PPM1B: variants seen among roughly 807,000 people sequenced by gnomAD.
PPM1B encodes protein phosphatase 1B.
A neutral mutation model predicts 43.0 loss-of-function variants in PPM1B; 22 were observed. The observed-to-expected ratio is 0.51, with a 90% CI of 0.37 to 0.73. The LOEUF (loss-of-function observed/expected upper bound fraction) is 0.73, where lower values mean the gene tolerates loss of function less well. PPM1B is among the 30% of genes least tolerant of loss of function. The pLI is 0.00. For missense variants in PPM1B, 632 were observed against 584.2 expected (o/e 1.08, Z -0.84); for synonymous variants, 217 against 197.9 (o/e 1.10, Z -0.81).
intron 2 of PPM1B, among the ~76,000 whole-genome samples, chr2:44,207,676 A>G (rs1044271894): frequency 1.3e-5 from 2 of 151,668 alleles, no homozygotes; most frequent in African/African-American, 4.8e-5. Context: ...CCCAGGCTTA[A>G]GCGATCCTTC....
intron 1 of PPM1B, among the ~76,000 whole-genome samples, chr2:44,174,196 T>C (rs1254464079): frequency 6.6e-6 from 1 of 152,246 alleles, no homozygotes; most frequent in African/African-American, 2.4e-5. Context: ...ATTTTTTAGC[T>C]TTAAATTGAT....
intron 1 of PPM1B, among the ~76,000 whole-genome samples, chr2:44,199,291 G>A (rs1668810784): frequency 7.4e-6 from 1 of 135,870 alleles, no homozygotes; most frequent in Admixed American, 7.8e-5. Flanking sequence ...GGTGGCACGT[G>A]CCTGTAGATC....
downstream of PPM1B, chr2:44,233,858 T>C (rs1456888037): frequency 5.1e-6 from 5 of 985,458 alleles, no homozygotes; most frequent in African/African-American, 1.7e-5. Context: ...TACATGATGA[T>C]GTGAAAAGCT....
At chr2:44,218,399 G>T in intron 4 of PPM1B, 81 bp from the exon 5 acceptor site, 1 of 1,071,042 alleles carries the variant, frequency 9.3e-7, no homozygotes, top group Admixed American at 2.4e-5. Context: ...TTTTAGTGTG[G>T]TCAGGATGAA....
chr2:44,180,235 C>T, intron 1 of PPM1B, among the ~76,000 whole-genome samples: 1 of 152,088 alleles, frequency 6.6e-6, no homozygotes, highest in East Asian at 1.9e-4. Flanking sequence ...ATCTTTCTTT[C>T]CTCACTTAGG....
chr2:44,225,014 A>C (rs1357923485), intron 5 of PPM1B, among the ~76,000 whole-genome samples: 1 of 152,196 alleles, frequency 6.6e-6, no homozygotes, highest in Non-Finnish European at 1.5e-5. Flanking sequence ...GATGTTAATT[A>C]TACCTGTGCA....
At chr2:44,205,265 T>G (rs1227533290) in intron 2 of PPM1B, among the ~76,000 whole-genome samples, 1 of 152,020 alleles carries the variant, frequency 6.6e-6, no homozygotes, top group Non-Finnish European at 1.5e-5. Flanking sequence ...CTGAGACTAG[T>G]TTTCTGACTC....
chr2:44,194,636 T>C (rs1668570810), intron 1 of PPM1B, among the ~76,000 whole-genome samples: 2 of 151,936 alleles, frequency 1.3e-5, no homozygotes, highest in South Asian at 4.1e-4. Flanking sequence ...GGCAGGAGAA[T>C]GGTGTGAACC....
At chr2:44,177,809 G>T (rs1667657207) in intron 1 of PPM1B, among the ~76,000 whole-genome samples, 2 of 146,610 alleles carry the variant, frequency 1.4e-5, no homozygotes, top group African/African-American at 2.5e-5. Context: ...TTTACAATTT[G>T]TTCTTGTCAC....
At chr2:44,170,586 AGGAGAT>A (rs1321781200) in intron 1 of PPM1B, among the ~76,000 whole-genome samples, 1 of 152,228 alleles carries the variant, frequency 6.6e-6, no homozygotes, top group Non-Finnish European at 1.5e-5. Context: ...AGTATGTTCT[AGGAGAT>A]GGAGAAACAT....
At chr2:44,189,360 A>C (rs1427878046) in intron 1 of PPM1B, among the ~76,000 whole-genome samples, 1 of 152,214 alleles carries the variant, frequency 6.6e-6, no homozygotes, top group African/African-American at 2.4e-5. Flanking sequence ...ACTTGCAGGC[A>C]TGATCCTATT....
At chr2:44,237,171 T>C (rs1160654062), downstream of PPM1B, among the ~76,000 whole-genome samples, 1 of 152,256 alleles carries the variant, frequency 6.6e-6, no homozygotes, top group African/African-American at 2.4e-5. Context: ...TGCACTGTCG[T>C]TTTTATGCTA....
At chr2:44,216,902 C>A (rs1300554061) in intron 3 of PPM1B, among the ~76,000 whole-genome samples, 108 of 140,036 alleles carry the variant, frequency 7.7e-4, no homozygotes, top group Non-Finnish European at 6.6e-4. Context: ...TCCAGTGTCT[C>A]AAAAAAAAAA....
intron 2 of PPM1B, among the ~76,000 whole-genome samples, chr2:44,202,526 G>A (rs562943869): frequency 6.6e-6 from 1 of 152,118 alleles, no homozygotes; most frequent in East Asian, 1.9e-4. Flanking sequence ...TAAAAATATG[G>A]GTTGTATATT....
At chr2:44,237,971 G>T (rs746948381), downstream of PPM1B, among the ~76,000 whole-genome samples, 9 of 152,108 alleles carry the variant, frequency 5.9e-5, no homozygotes, top group Non-Finnish European at 1.2e-4. Context: ...CACGATCTCG[G>T]CTCACTGCAA....
chr2:44,200,405 A>G (rs149219285), intron 1 of PPM1B, among the ~76,000 whole-genome samples: 649 of 152,340 alleles, frequency 4.3e-3, no homozygotes, highest in African/African-American at 0.012. Flanking sequence ...AGGGTGATGC[A>G]TAGTAGTACT....
At chr2:44,173,524 C>T (rs1477068382) in intron 1 of PPM1B, among the ~76,000 whole-genome samples, 1 of 152,166 alleles carries the variant, frequency 6.6e-6, no homozygotes, top group East Asian at 1.9e-4. Flanking sequence ...CACTTTACTT[C>T]TGAATTAATG....
At chr2:44,177,661 G>A (rs1667647107) in intron 1 of PPM1B, among the ~76,000 whole-genome samples, 1 of 151,620 alleles carries the variant, frequency 6.6e-6, no homozygotes, top group African/African-American at 2.4e-5. Context: ...CTCAAGATCT[G>A]CCCGCCTCGG....
intron 1 of PPM1B, among the ~76,000 whole-genome samples, chr2:44,189,867 C>G (rs568635110): frequency 6.6e-6 from 1 of 152,198 alleles, no homozygotes; most frequent in African/African-American, 2.4e-5. Flanking sequence ...ATTTCCTGCT[C>G]TTAATTTTTC....
Sources: gnomAD v4.1 joint callset for allele counts (sites outside exome capture counted in the v4.1 genomes callset) on GRCh38, gnomAD v4.1.1 for gene constraint, MANE v1.5 for transcripts, NCBI Gene and HGNC (gene_info 2026-07-23, HGNC 2026-07-21) for gene names.